CUZD1: variants seen among roughly 807,000 people sequenced by gnomAD.
CUZD1 encodes CUB and zona pellucida like domains 1.
A neutral mutation model predicts 53.1 loss-of-function variants in CUZD1; 42 were observed. The observed-to-expected ratio is 0.79, with a 90% CI of 0.62 to 1.02. The LOEUF (loss-of-function observed/expected upper bound fraction) is 1.02, where lower values mean the gene tolerates loss of function less well. Ranked by LOEUF, CUZD1 falls within the 50% of genes least tolerant of loss-of-function variation. CUZD1 has a pLI of 0.00. For synonymous variants in CUZD1, 238 were observed against 257.2 expected (o/e 0.93, Z 0.71); for missense variants, 670 against 715.7 (o/e 0.94, Z 0.73).
At chr10:122,837,202 T>G in intron 4 of CUZD1, 154 bp from the exon 5 acceptor site, 1 of 830,716 alleles carries the variant, frequency 1.2e-6, no homozygotes, top group Non-Finnish European at 1.8e-6. Context: ...GTTTTGATAG[T>G]CTCTGACAAG....
chr10:122,841,042 A>G (rs770980413), intron 2 of CUZD1, 136 bp downstream of exon 2: 17 of 812,240 alleles, frequency 2.1e-5, no homozygotes, highest in Non-Finnish European at 3.3e-5. Flanking sequence ...CCTCATCACC[A>G]TCATCATCAC....
At chr10:122,841,378 C>T (rs1847344642) in intron 1 of CUZD1, 50 bp from the exon 2 acceptor site, 1 of 1,518,748 alleles carries the variant, frequency 6.6e-7, no homozygotes, top group Admixed American at 2.1e-5. Context: ...GCCCTTTCCC[C>T]TCCCTGAGAG....
In CUZD1 at chr10:122,837,042, T is replaced by G; in HGVS notation, c.606A>C (p.Glu202Asp). The G allele has an allele frequency of 6.2e-7, 1 of 1,609,544 alleles. No individual in the cohort carries two copies. The highest frequency in any genetic ancestry group is 8.5e-7 in the Non-Finnish European group (1 of 1,176,564). ...AATCAAATTTGCACTGTTTGTCTAT[T>G]TCTAGGCTAGAGAATGAGGGCCTCT... ...IKLNFKEIFL[E>D]IDKQCKFDFL... The change falls in exon 5 of 9, where the codon GAA becomes GAC. Residue 202 changes from glutamate to aspartate, a missense_variant. Physicochemically the swap from Glu to Asp is conservative, Grantham distance 45 (BLOSUM62 2). Coordinates refer to ENST00000392790, the MANE Select transcript of CUZD1 (RefSeq NM_022034.6).
chr10:122,841,828 C>T (rs962742860), intron 1 of CUZD1, among the ~76,000 whole-genome samples: 1 of 152,196 alleles, frequency 6.6e-6, no homozygotes, highest in African/African-American at 2.4e-5. Flanking sequence ...AGATGTGTAG[C>T]AGCATCCCAT....
chr10:122,842,118 TC>T (rs1411907829), intron 1 of CUZD1, among the ~76,000 whole-genome samples: 1 of 152,230 alleles, frequency 6.6e-6, no homozygotes, highest in Non-Finnish European at 1.5e-5. Flanking sequence ...AAGTTTTAAA[TC>T]TTTTATAAAG....
Position 122,842,848 on chromosome 10 carries a change from T to C in CUZD1, c.83-1520A>G, listed in dbSNP as rs374392827. The stretch of plus-strand genomic sequence containing the variant: ...AAAGAAGATCTATAAATGGCCAATA[T>C]GCATGTAAAGATATATTCAGCATCA... On this transcript the variant is annotated intron_variant, in intron 1 of 8. Transcript: ENST00000392790. Among the ~76,000 whole-genome samples the C allele has an allele frequency of 1.6e-4, 24 of 152,336 alleles. No individual in the cohort carries two copies. In the South Asian group the frequency reaches 5.0e-3, roughly 32 times the overall value.
Position 122,836,910 on chromosome 10 carries a change from C to T in CUZD1, c.738G>A (p.Val246=), listed in dbSNP as rs373493047. 6.2e-7 allele frequency: 1 copy of T among 1,613,974 alleles called. No homozygotes were observed. Among genetic ancestry groups the T allele is most frequent in the African/African-American group, 1.3e-5 (1 of 74,884 alleles). The part of the protein sequence containing the change: ...FESSSNSLTV[V]LSTDYANSYR... ...AAGAATTGGCATAATCTGTAGACAA[C>T]ACGACAGTCAGAGAGTTTGATGACG... Residue 246 remains valine (V), a synonymous_variant, in exon 5 of 9, where the codon GTG becomes GTA. Transcript: ENST00000392790.
In CUZD1 at chr10:122,833,780, C is replaced by T. The variant is rs1448359275; in HGVS notation, c.1543G>A (p.Gly515Ser). Residue 515 changes from glycine (G) to serine (S), a missense_variant, in exon 8 of 9, where the codon GGT becomes AGT. Transcript: ENST00000392790. ...SSDHQSRCNQGCVSRSKRDIS... is the reference protein window; with the variant it reads ...SSDHQSRCNQSCVSRSKRDIS... ...TCTCGTTTGCTTCTGGAGACACAACCTTGATTGCAGCGAGACTGGTGGTCA... is the reference window on the plus strand; with the variant it reads ...TCTCGTTTGCTTCTGGAGACACAACTTTGATTGCAGCGAGACTGGTGGTCA... The T allele has an allele frequency of 6.2e-7, 1 of 1,613,904 alleles. No individual in the cohort carries two copies. The highest frequency in any genetic ancestry group is 1.3e-5 in the African/African-American group (1 of 74,906).
chr10:122,836,632 G>T (rs1465045609), intron 5 of CUZD1, among the ~76,000 whole-genome samples, 199 bp downstream of exon 5: 1 of 152,104 alleles, frequency 6.6e-6, no homozygotes, highest in Non-Finnish European at 1.5e-5. Context: ...TCTTTTTCAG[G>T]TTAATAAAAT....
intron 2 of CUZD1, 50 bp downstream of exon 2, chr10:122,841,128 T>C (rs1462413125): frequency 3.9e-6 from 6 of 1,547,364 alleles, no homozygotes; most frequent in Non-Finnish European, 5.3e-6. Context: ...CCCACCCCAA[T>C]GTGGTCAGAG....
At position 122,832,284 on chromosome 10, in the gene CUZD1, G is replaced by C; in HGVS notation, c.1818C>G (p.Asn606Lys). ...RADYKYQKLQ[N>K]Y The stretch of plus-strand genomic sequence containing the variant: ...TTAGGGTTGGACCTGTTAGTTAATA[G>C]TTCTGCAGCTTCTGGTATTTGTAGT... Residue 606 changes from asparagine to lysine, a missense_variant, in exon 9 of 9, where the codon AAC (asparagine) becomes AAG (lysine). By Grantham distance (94) the Asn-to-Lys change is moderately conservative. Transcript: ENST00000392790. The C allele has an allele frequency of 1.2e-6, 2 of 1,614,018 alleles. No homozygotes were observed. The highest frequency in any genetic ancestry group is 1.7e-6 in the Non-Finnish European group (2 of 1,179,916).
intron 1 of CUZD1, among the ~76,000 whole-genome samples, chr10:122,844,975 T>A (rs1847412966): frequency 6.6e-6 from 1 of 152,142 alleles, no homozygotes; most frequent in Admixed American, 6.6e-5. Flanking sequence ...TTAAAATGCT[T>A]GAATGTATAT....
intron 8 of CUZD1, among the ~76,000 whole-genome samples, chr10:122,833,178 A>G (rs1847186549): frequency 6.6e-6 from 1 of 152,168 alleles, no homozygotes; most frequent in South Asian, 2.1e-4. Flanking sequence ...CCTTTCATGC[A>G]TCTGGGCAGA....
At chr10:122,833,569 T>G (rs1847192140) in intron 8 of CUZD1, 103 bp downstream of exon 8, 2 of 1,228,380 alleles carry the variant, frequency 1.6e-6, no homozygotes, top group African/African-American at 1.5e-5. Context: ...CTAAAGCTAC[T>G]ATTATAAATC....
intron 2 of CUZD1, among the ~76,000 whole-genome samples, chr10:122,839,973 A>G (rs1166416893): frequency 6.6e-6 from 1 of 152,168 alleles, no homozygotes; most frequent in African/African-American, 2.4e-5. Flanking sequence ...ACTTCTCATT[A>G]CTGTGTGAAG....
intron 1 of CUZD1, among the ~76,000 whole-genome samples, chr10:122,844,873 C>A (rs1847411452): frequency 6.6e-6 from 1 of 152,054 alleles, no homozygotes; most frequent in Non-Finnish European, 1.5e-5. Flanking sequence ...CCCATATACT[C>A]CCATAACCCC....
chr10:122,836,125 C>T, intron 6 of CUZD1, 53 bp downstream of exon 6: 3 of 1,497,504 alleles, frequency 2.0e-6, no homozygotes, highest in Non-Finnish European at 2.7e-6. Context: ...GACTGCATTG[C>T]TCAACATGCA....
At chr10:122,837,086 A>C (rs766866283) in intron 4 of CUZD1, 38 bp from the exon 5 acceptor site, 1 of 1,410,252 alleles carries the variant, frequency 7.1e-7, no homozygotes. Flanking sequence ...AGAGTTTCAA[A>C]CCAATTCAAT....
chr10:122,838,365 C>G (rs1847285221), intron 3 of CUZD1, among the ~76,000 whole-genome samples: 1 of 152,196 alleles, frequency 6.6e-6, no homozygotes, highest in Admixed American at 6.5e-5. Context: ...CACAGTGGAG[C>G]TCTCCTCATG....
Sources: gnomAD v4.1 joint callset for allele counts (sites outside exome capture counted in the v4.1 genomes callset) on GRCh38, gnomAD v4.1.1 for gene constraint, MANE v1.5 for transcripts, NCBI Gene and HGNC (gene_info 2026-07-23, HGNC 2026-07-21) for gene names.